Variants in EPS8 observed in about 807,000 individuals in gnomAD.
EPS8 encodes epidermal growth factor receptor kinase substrate 8.
A neutral mutation model predicts 103.8 loss-of-function variants in EPS8; 42 were observed. The ratio of observed to expected loss-of-function variants is 0.40; its 90% CI spans 0.32 to 0.52. The LOEUF (loss-of-function observed/expected upper bound fraction) is 0.52, where lower values mean the gene tolerates loss of function less well. Ranked by LOEUF, EPS8 falls within the 20% of genes least tolerant of loss-of-function variation. The pLI, the probability that EPS8 is intolerant of heterozygous loss-of-function variation, is 0.40. For missense variants in EPS8, 969 were observed against 1,005.1 expected (o/e 0.96, Z 0.49); for synonymous variants, 344 against 344.6 (o/e 1.00, Z 0.02).
intron 1 of EPS8, among the ~76,000 whole-genome samples, chr12:15,770,167 G>A (rs1376735832): frequency 6.6e-6 from 1 of 150,840 alleles, no homozygotes; most frequent in Non-Finnish European, 1.5e-5. Context: ...TCAAACTCCT[G>A]GACTCAAGTG....
At position 15,690,750 on chromosome 12, in the gene EPS8, A is replaced by G. The variant is rs1489337526; in HGVS notation, c.-21-7778T>C. On this transcript the variant is annotated intron_variant, in intron 1 of 20. Transcript: ENST00000281172. This position sits in a 1 kb window ranked among gnomAD's most constrained non-coding sequence, Gnocchi z 4.7. Reference sequence around the variant, plus strand: ...TTATGTCTATGAAAAGTTCACGACTAAGCAGGTAAGTTAAAACCCTCAATT... The same window carrying G: ...TTATGTCTATGAAAAGTTCACGACTGAGCAGGTAAGTTAAAACCCTCAATT... Among the ~76,000 whole-genome samples, 1 of 152,220 alleles carries G rather than the reference A, an allele frequency of 6.6e-6. No homozygotes were observed. Among genetic ancestry groups the G allele is most frequent in the Non-Finnish European group, 1.5e-5 (1 of 68,042 alleles).
intron 1 of EPS8, among the ~76,000 whole-genome samples, chr12:15,726,756 T>A (rs1946657904): frequency 6.6e-6 from 1 of 152,208 alleles, no homozygotes; most frequent in Admixed American, 6.5e-5. Context: ...CTGCTTTGCC[T>A]CCTGAAAGAA....
rs371651056 is a variant in EPS8 at position 15,728,167 on chromosome 12, C to T, written c.-21-45195G>A. The stretch of plus-strand genomic sequence containing the variant: ...ATGGAACTTTAACTGTTACCAAAAG[C>T]GTAGTCGACTGGTATTATAGAAAGA... On this transcript the variant is annotated intron_variant, in intron 1 of 20. Transcript: ENST00000281172. This position sits in a 1 kb window ranked among gnomAD's most constrained non-coding sequence, Gnocchi z 4.5. The T allele has an allele frequency of 1.3e-5, 2 of 152,154 alleles. No homozygotes were observed. The highest frequency in any genetic ancestry group is 1.9e-4 in the East Asian group (1 of 5,198). The allele number at this position is 152,154 out of a possible 1,614,324, so 9.4% of individuals were successfully genotyped here.
intron 1 of EPS8, among the ~76,000 whole-genome samples, chr12:15,687,917 C>G (rs146190731): frequency 2.0e-5 from 3 of 152,326 alleles, no homozygotes; most frequent in African/African-American, 7.2e-5. Flanking sequence ...AGTTTTAACT[C>G]TGCATCAGGT....
At chr12:15,754,233 G>GAAA (rs750888299) in intron 1 of EPS8, among the ~76,000 whole-genome samples, 1 of 131,382 alleles carries the variant, frequency 7.6e-6, no homozygotes, top group Admixed American at 7.7e-5. Context: ...GTTCCATTTG[G>GAAA]AAAAAAAAAA....
intron 1 of EPS8, among the ~76,000 whole-genome samples, chr12:15,715,719 C>G (rs1307785641): frequency 6.6e-6 from 1 of 151,900 alleles, no homozygotes; most frequent in Non-Finnish European, 1.5e-5. Flanking sequence ...GAAATCCTGA[C>G]CTCAGGTGAT....
intron 1 of EPS8, among the ~76,000 whole-genome samples, chr12:15,758,052 C>T (rs1947005361): frequency 6.6e-6 from 1 of 152,184 alleles, no homozygotes; most frequent in Non-Finnish European, 1.5e-5. Context: ...GCCTAGGCTT[C>T]CTCACAGTGT....
At chr12:15,630,195 C>T in intron 18 of EPS8, among the ~76,000 whole-genome samples, 1 of 90,798 alleles carries the variant, frequency 1.1e-5, no homozygotes, top group East Asian at 3.6e-4. Context: ...CTCTCTATCT[C>T]TCTCTCACTC....
At chr12:15,634,245 A>G (rs1945098585) in intron 17 of EPS8, among the ~76,000 whole-genome samples, 1 of 152,148 alleles carries the variant, frequency 6.6e-6, no homozygotes, top group Admixed American at 6.5e-5. Context: ...CCTGGTGTGG[A>G]CCTACTTTTG....
rs1445416544 is a variant in EPS8 at position 15,688,659 on chromosome 12, T to A, written c.-21-5687A>T. Among the ~76,000 whole-genome samples the A allele has an allele frequency of 6.6e-6, 1 of 152,042 alleles. No individual in the cohort carries two copies. The highest frequency in any genetic ancestry group is 1.9e-4 in the East Asian group (1 of 5,174). The stretch of plus-strand genomic sequence containing the variant: ...TGGAGTTTAGCAGGGGCAGCCGGAC[T>A]CCAGGGGAAAACCATTCTCCCTTGT... On this transcript the variant is annotated intron_variant, in intron 1 of 20. Transcript: ENST00000281172. This position sits in a 1 kb window ranked among gnomAD's most constrained non-coding sequence, Gnocchi z 5.1.
chr12:15,785,170 A>G lies in EPS8; in HGVS notation c.-22+3991T>C, dbSNP rs745448374. Among the ~76,000 whole-genome samples, 173 of 152,262 alleles carry G rather than the reference A, an allele frequency of 1.1e-3. No individual in the cohort carries two copies. Among genetic ancestry groups the G allele is most frequent in the Middle Eastern group, 6.8e-3 (2 of 294 alleles). On this transcript the variant is annotated intron_variant, in intron 1 of 20. Coordinates refer to ENST00000281172, the MANE Select transcript of EPS8 (RefSeq NM_004447.6). This position sits in a 1 kb window ranked among gnomAD's most constrained non-coding sequence, Gnocchi z 4.9. Reference sequence around the variant, plus strand: ...CCAAGGTGGAATGCAGATTGTAACAAAGAAATCTAACTGTATTATAAATGT... The same window carrying G: ...CCAAGGTGGAATGCAGATTGTAACAGAGAAATCTAACTGTATTATAAATGT...
At chr12:15,786,766 A>G (rs993576753) in intron 1 of EPS8, among the ~76,000 whole-genome samples, 3 of 152,166 alleles carry the variant, frequency 2.0e-5, no homozygotes, top group African/African-American at 7.2e-5. Context: ...TATTCAACTT[A>G]AAATGTTTGC....
chr12:15,771,638 T>C lies in EPS8; in HGVS notation c.-22+17523A>G, dbSNP rs556757000. 1.3e-5 allele frequency among the ~76,000 whole-genome samples: 2 copies of C among 151,972 alleles called. No homozygotes were observed. Among genetic ancestry groups the C allele is most frequent in the African/African-American group, 2.4e-5 (1 of 41,370 alleles). ...TAAAGGAGAAGGGGGGTCATGGATG[T>C]GTTCTTCTAATGGGCTAGAAATTCT... is the stretch of plus-strand genomic sequence containing the variant. On this transcript the variant is annotated intron_variant, in intron 1 of 20. Transcript: ENST00000281172. This position sits in a 1 kb window ranked among gnomAD's most constrained non-coding sequence, Gnocchi z 4.6.
chr12:15,654,552 G>A (rs1945474442), intron 12 of EPS8: 1 of 451,784 alleles, frequency 2.2e-6, no homozygotes, highest in African/African-American at 2.0e-5. Context: ...TATGACTATA[G>A]TTTCTCTGGA....
Position 15,740,602 on chromosome 12 carries a change from G to A in EPS8, c.-22+48559C>T, listed in dbSNP as rs1311933937. 2.0e-5 allele frequency among the ~76,000 whole-genome samples: 3 copies of A among 148,074 alleles called. No homozygotes were observed. In the East Asian group the frequency reaches 5.9e-4, roughly 29 times the overall value. On this transcript the variant is annotated intron_variant, in intron 1 of 20. Transcript: ENST00000281172. ...AAATAAATAAATAAATAAATAAATA[G>A]GAAGTTCCTGAGGCAAAAAGCTGCT...
Position 15,731,799 on chromosome 12 carries a change from C to T in EPS8, c.-21-48827G>A, listed in dbSNP as rs1946719330. Among the ~76,000 whole-genome samples, 2 of 152,106 alleles carry T rather than the reference C, an allele frequency of 1.3e-5. No homozygotes were observed. The highest frequency in any genetic ancestry group is 2.9e-5 in the Non-Finnish European group (2 of 68,008). ...AGCTGTTCAGTGTGCTGTTAGCTAA[C>T]CCCTACAGCTTGTGCAGTCATATTC... On this transcript the variant is annotated intron_variant, in intron 1 of 20. Transcript: ENST00000281172. This position sits in a 1 kb window ranked among gnomAD's most constrained non-coding sequence, Gnocchi z 5.1.
intron 1 of EPS8, among the ~76,000 whole-genome samples, chr12:15,685,486 A>ATTACAT (rs1425633618): frequency 3.9e-5 from 6 of 152,200 alleles, no homozygotes; most frequent in African/African-American, 1.4e-4. Flanking sequence ...TTTAATGAAA[A>ATTACAT]GTGATAGCCA....
rs1946493041 is a variant in EPS8 at position 15,713,403 on chromosome 12, A to C, written c.-21-30431T>G. 2 of 152,270 alleles carry C rather than the reference A, an allele frequency of 1.3e-5. No individual in the cohort carries two copies. The highest frequency in any genetic ancestry group is 4.1e-4 in the South Asian group (2 of 4,832). The allele number at this position is 152,270 out of a possible 1,614,324, so 9.4% of individuals were successfully genotyped here. On this transcript the variant is annotated intron_variant, in intron 1 of 20. Coordinates refer to ENST00000281172, the MANE Select transcript of EPS8 (RefSeq NM_004447.6). This position sits in a 1 kb window ranked among gnomAD's most constrained non-coding sequence, Gnocchi z 4.8. Reference sequence around the variant, plus strand: ...CAATAAAGATAATTCCCTGATGCTAAACCAAAGCCAGAACTGATGGCCAAA... The same window carrying C: ...CAATAAAGATAATTCCCTGATGCTACACCAAAGCCAGAACTGATGGCCAAA...
chr12:15,771,639 GTTC>G lies in EPS8; in HGVS notation c.-22+17519_-22+17521del, dbSNP rs1329019357. On this transcript the variant is annotated intron_variant, in intron 1 of 20. Transcript: ENST00000281172. This position sits in a 1 kb window ranked among gnomAD's most constrained non-coding sequence, Gnocchi z 4.6. ...AAAGGAGAAGGGGGGTCATGGATGT[GTTC>G]TTCTAATGGGCTAGAAATTCTCCGT... Among the ~76,000 whole-genome samples the G allele has an allele frequency of 6.6e-6, 1 of 151,804 alleles. No individual in the cohort carries two copies. Among genetic ancestry groups the G allele is most frequent in the South Asian group, 2.1e-4 (1 of 4,804 alleles).
Sources: gnomAD v4.1 joint callset for allele counts (sites outside exome capture counted in the v4.1 genomes callset) on GRCh38, gnomAD v4.1.1 for gene constraint, Gnocchi (gnomAD v3.1) non-coding constraint, MANE v1.5 for transcripts, NCBI Gene and HGNC (gene_info 2026-07-23, HGNC 2026-07-21) for gene names.